Variants in PPFIA2 observed in about 807,000 individuals in gnomAD.
The protein encoded by PPFIA2 is liprin-alpha-2.
PPFIA2 carries 46 observed loss-of-function variants against 175.5 expected under a neutral mutation model. That is an observed-to-expected ratio of 0.26 (90% CI 0.21 to 0.34). PPFIA2 has a LOEUF of 0.34. Among genes scored for constraint, PPFIA2 ranks in the 10% least tolerant of loss-of-function variants. PPFIA2 has a pLI of 1.00. For missense variants in PPFIA2, 1,179 were observed against 1,506.1 expected, an observed-to-expected ratio of 0.78 and a Z score of 3.60; for synonymous variants, 568 against 511.4, an observed-to-expected ratio of 1.11 and a Z score of -1.49.
intron 4 of PPFIA2, among the ~76,000 whole-genome samples, chr12:81,628,015 G>T (rs1357367524): frequency 6.6e-6 from 1 of 152,200 alleles, no homozygotes; most frequent in South Asian, 2.1e-4. Context: ...CTAAGTATAT[G>T]AGAGTTTGCT....
intron 4 of PPFIA2, among the ~76,000 whole-genome samples, chr12:81,671,966 C>T (rs2071505300): frequency 6.6e-6 from 1 of 151,912 alleles, no homozygotes; most frequent in East Asian, 1.9e-4. Context: ...CTTGTGCTTA[C>T]ATGATATTAT....
rs2059298795 is a variant in PPFIA2, at chr12:81,347,660, G to A, written c.2105C>T (p.Thr702Ile). 1.2e-6 allele frequency: 2 copies of A among 1,613,836 alleles called. No homozygotes were observed. The highest frequency in any genetic ancestry group is 1.7e-6 in the Non-Finnish European group (2 of 1,179,812). ...GLNLARVHPG[T>I]SITASVTASS... ...AGCTGTAACAGAGGCAGTAATGGAG[G>A]TACCTGGGTGGACCCTTGCCAAATT... Residue 702 changes from threonine to isoleucine, a missense_variant, in exon 18 of 33, where the codon ACC becomes ATC. By Grantham distance (89) the Thr-to-Ile change is moderately conservative. Transcript: ENST00000549396.
At chr12:81,414,438 A>T (rs550079356) in intron 7 of PPFIA2, among the ~76,000 whole-genome samples, 1 of 151,716 alleles carries the variant, frequency 6.6e-6, no homozygotes, top group African/African-American at 2.4e-5. Context: ...ATAAGCACTT[A>T]AACTTACCCT....
intron 3 of PPFIA2, among the ~76,000 whole-genome samples, chr12:81,721,278 G>A (rs1473716322): frequency 6.6e-6 from 1 of 151,142 alleles, no homozygotes; most frequent in Admixed American, 6.6e-5. Flanking sequence ...TTTAATGATG[G>A]TTCTACTCTC....
chr12:81,509,137 A>G (rs1242914419), intron 4 of PPFIA2, among the ~76,000 whole-genome samples: 1 of 152,118 alleles, frequency 6.6e-6, no homozygotes, highest in Non-Finnish European at 1.5e-5. Flanking sequence ...AATAGAAATA[A>G]CGTTACTTCA....
At chr12:81,316,183 G>C (rs2052313696) in intron 22 of PPFIA2, among the ~76,000 whole-genome samples, 1 of 151,512 alleles carries the variant, frequency 6.6e-6, no homozygotes, top group Non-Finnish European at 1.5e-5. Context: ...CGGCAAGAGA[G>C]AGACTATACG....
intron 7 of PPFIA2, among the ~76,000 whole-genome samples, chr12:81,421,363 A>T (rs568032362): frequency 2.6e-5 from 4 of 152,182 alleles, no homozygotes; most frequent in Admixed American, 1.3e-4. Context: ...ACAATATAAA[A>T]AGAAACTCTA....
chr12:81,384,106 C>A lies in PPFIA2; in HGVS notation c.901G>T (p.Val301Leu), dbSNP rs764497700. The A allele has an allele frequency of 6.2e-7, 1 of 1,613,328 alleles. No individual in the cohort carries two copies. The highest frequency in any genetic ancestry group is 1.1e-5 in the South Asian group (1 of 91,074). The change falls in exon 9 of 33, where the codon GTG (valine) becomes TTG (leucine). Residue 301 changes from valine to leucine, a missense_variant. Around this residue, in one of 10 missense-constraint regions of PPFIA2, gnomAD observed 226 missense variants for 216.6 expected, o/e 1.04. Coordinates refer to ENST00000549396, the MANE Select transcript of PPFIA2 (RefSeq NM_003625.5). ...CTTGCTGTCTCTGCTTCCTGTTCCA[C>A]CTCTCCCACTCGGGAAGAAAGGGCT... ...LAALSSRVGE[V>L]EQEAETARKD...
At chr12:81,559,053 C>G (rs943301991) in intron 4 of PPFIA2, among the ~76,000 whole-genome samples, 22 of 152,068 alleles carry the variant, frequency 1.4e-4, no homozygotes, top group African/African-American at 5.3e-4. Context: ...ATTAAGAAAT[C>G]TTTGAACCAT....
intron 4 of PPFIA2, among the ~76,000 whole-genome samples, chr12:81,572,134 T>C (rs562084924): frequency 6.6e-6 from 1 of 152,116 alleles, no homozygotes; most frequent in South Asian, 2.1e-4. Context: ...TGTCAAACAA[T>C]CTTCCACCTC....
At chr12:81,653,926 C>T (rs118099639) in intron 4 of PPFIA2, among the ~76,000 whole-genome samples, 3,617 of 151,932 alleles carry the variant, frequency 0.024, 66 homozygotes, top group Non-Finnish European at 0.04. Flanking sequence ...TATGTGAATA[C>T]ATACTAAATA....
chr12:81,735,120 T>G (rs998624141), intron 3 of PPFIA2, among the ~76,000 whole-genome samples: 3 of 151,834 alleles, frequency 2.0e-5, no homozygotes, highest in Non-Finnish European at 4.4e-5. Context: ...AGGATATACA[T>G]GAAAATATGT....
intron 7 of PPFIA2, among the ~76,000 whole-genome samples, chr12:81,427,299 C>T (rs1357483109): frequency 1.3e-5 from 2 of 152,092 alleles, no homozygotes; most frequent in African/African-American, 4.8e-5. Context: ...AGTGATAACA[C>T]TCAGAACAAT....
At position 81,693,121 on chromosome 12, in the gene PPFIA2, G is replaced by A. The variant is rs560339946; in HGVS notation, c.250-16277C>T. ...TATCTATCCAACTCATTTTTACCTA[G>A]TGTTTTGGAATAAATGAGGCAGTTT... On this transcript the variant is annotated intron_variant, in intron 3 of 32. Coordinates refer to ENST00000549396, the MANE Select transcript of PPFIA2 (RefSeq NM_003625.5). Among the ~76,000 whole-genome samples, 3 of 151,948 alleles carry A rather than the reference G, an allele frequency of 2.0e-5. No homozygotes were observed. In the South Asian group the frequency reaches 6.2e-4, roughly 31 times the overall value.
At chr12:81,331,777 G>C (rs2056179325) in intron 21 of PPFIA2, among the ~76,000 whole-genome samples, 1 of 151,740 alleles carries the variant, frequency 6.6e-6, no homozygotes, top group Non-Finnish European at 1.5e-5. Flanking sequence ...GGCTCTATTT[G>C]ATCACTCCCT....
intron 17 of PPFIA2, among the ~76,000 whole-genome samples, chr12:81,351,592 C>T (rs1422223767): frequency 1.3e-5 from 2 of 151,942 alleles, no homozygotes; most frequent in African/African-American, 2.4e-5. Context: ...TAAACAGCCA[C>T]AAGCACTAAG....
At chr12:81,542,343 G>A (rs1478590259) in intron 4 of PPFIA2, among the ~76,000 whole-genome samples, 2 of 152,120 alleles carry the variant, frequency 1.3e-5, no homozygotes, top group African/African-American at 4.8e-5. Flanking sequence ...GGCTCTGCCA[G>A]CACCTCACTT....
At chr12:81,680,950 A>G (rs1470755664) in intron 3 of PPFIA2, among the ~76,000 whole-genome samples, 1 of 151,972 alleles carries the variant, frequency 6.6e-6, no homozygotes, top group Non-Finnish European at 1.5e-5. Flanking sequence ...ACCTTATTAA[A>G]TTTTGTGCCC....
intron 4 of PPFIA2, among the ~76,000 whole-genome samples, chr12:81,668,808 T>C (rs2070852454): frequency 6.6e-6 from 1 of 152,038 alleles, no homozygotes; most frequent in African/African-American, 2.4e-5. Flanking sequence ...AATGGCACTA[T>C]GTTTTGGGGT....
Sources: gnomAD v4.1 joint callset for allele counts (sites outside exome capture counted in the v4.1 genomes callset) on GRCh38, gnomAD v4.1.1 for gene constraint, gnomAD v4.1.1 regional missense constraint, MANE v1.5 for transcripts, NCBI Gene and HGNC (gene_info 2026-07-23, HGNC 2026-07-21) for gene names.